Variants in FRS2 observed in about 807,000 individuals in gnomAD.
The protein encoded by FRS2 is fibroblast growth factor receptor substrate 2.
In FRS2, 8 loss-of-function variants were observed where a neutral mutation model predicts 43.9. The observed-to-expected ratio is 0.18, with a 90% CI of 0.11 to 0.33. FRS2 has a LOEUF of 0.33. Among genes scored for constraint, FRS2 ranks in the 10% least tolerant of loss-of-function variants. FRS2 has a pLI of 1.00. For synonymous variants in FRS2, 219 were observed against 220.3 expected (o/e 0.99, Z 0.05); for missense variants, 534 against 627.6 (o/e 0.85, Z 1.59).
At chr12:69,546,599 T>A (rs1453553900) in intron 3 of FRS2, among the ~76,000 whole-genome samples, 1 of 151,972 alleles carries the variant, frequency 6.6e-6, no homozygotes, top group Admixed American at 6.6e-5. Context: ...TACCCTGTTG[T>A]CCAGGCTGGT....
intron 3 of FRS2, among the ~76,000 whole-genome samples, chr12:69,532,320 G>T (rs767191044): frequency 3.9e-5 from 6 of 152,154 alleles, no homozygotes; most frequent in Non-Finnish European, 7.4e-5. Context: ...AGAGCTTATT[G>T]AGTGGGTTTA....
chr12:69,561,106 G>C (rs548764243), intron 3 of FRS2, among the ~76,000 whole-genome samples: 74 of 152,260 alleles, frequency 4.9e-4, no homozygotes, highest in African/African-American at 1.7e-3. Flanking sequence ...GTGGTTTATG[G>C]TAGAATTAGT....
intron 1 of FRS2, among the ~76,000 whole-genome samples, chr12:69,489,035 A>G (rs899770780): frequency 1.3e-5 from 2 of 152,174 alleles, no homozygotes; most frequent in African/African-American, 2.4e-5. Context: ...CTGAATTATT[A>G]TTCCTCTTTC....
intron 1 of FRS2, among the ~76,000 whole-genome samples, chr12:69,517,502 G>C (rs1464390525): frequency 6.6e-6 from 1 of 151,540 alleles, no homozygotes; most frequent in Non-Finnish European, 1.5e-5. Context: ...ATTTGCCAAT[G>C]GTGAATCTAA....
chr12:69,573,268 T>C (rs1263973173), intron 8 of FRS2, among the ~76,000 whole-genome samples: 1 of 152,112 alleles, frequency 6.6e-6, no homozygotes, highest in African/African-American at 2.4e-5. Context: ...GAGTTAATCT[T>C]CTTATACATT....
At chr12:69,551,720 T>C (rs1299684917) in intron 3 of FRS2, among the ~76,000 whole-genome samples, 2 of 152,308 alleles carry the variant, frequency 1.3e-5, no homozygotes, top group Non-Finnish European at 2.9e-5. Context: ...TAAGAAGGGC[T>C]CAAAAGAACA....
chr12:69,560,881 A>G (rs1415486600), intron 3 of FRS2, among the ~76,000 whole-genome samples: 8 of 152,226 alleles, frequency 5.3e-5, no homozygotes, highest in Non-Finnish European at 1.2e-4. Flanking sequence ...TTCAAAGCTT[A>G]TGACTTTTCA....
intron 4 of FRS2, among the ~76,000 whole-genome samples, chr12:69,565,840 G>A (rs1432178100): frequency 1.3e-5 from 2 of 152,030 alleles, no homozygotes; most frequent in African/African-American, 4.8e-5. Flanking sequence ...TTAATAAGTA[G>A]AAGGAGTATA....
At chr12:69,534,227 A>G (rs1203191072) in intron 3 of FRS2, among the ~76,000 whole-genome samples, 2 of 152,236 alleles carry the variant, frequency 1.3e-5, no homozygotes, top group Non-Finnish European at 2.9e-5. Context: ...GGTTGAACGT[A>G]ATACACAAAA....
chr12:69,541,824 CAAAAAA>C (rs10605112), intron 3 of FRS2, among the ~76,000 whole-genome samples: 1 of 90,846 alleles, frequency 1.1e-5, no homozygotes, highest in Non-Finnish European at 2.2e-5. Flanking sequence ...GACCCTGTCT[CAAAAAA>C]AAAAAAAAAA....
chr12:69,521,732 A>G (rs997032577), intron 1 of FRS2, among the ~76,000 whole-genome samples: 2 of 152,078 alleles, frequency 1.3e-5, no homozygotes, highest in East Asian at 1.9e-4. Context: ...CTCCTGCCTC[A>G]GCCTCCCAAG....
chr12:69,482,471 G>C (rs1871431948), intron 1 of FRS2, among the ~76,000 whole-genome samples: 1 of 152,098 alleles, frequency 6.6e-6, no homozygotes, highest in African/African-American at 2.4e-5. Context: ...GGAGAGACTT[G>C]GGCATTGAAC....
intron 1 of FRS2, among the ~76,000 whole-genome samples, chr12:69,477,405 CA>C (rs1386111377): frequency 3.3e-5 from 5 of 151,442 alleles, no homozygotes; most frequent in Non-Finnish European, 5.9e-5. Flanking sequence ...GCCTCAGCCT[CA>C]CCAGTAGCTG....
At position 69,570,507 on chromosome 12, in the gene FRS2, A is replaced by G. The variant is rs974310139; in HGVS notation, c.243A>G (p.Gln81=). 20 of 1,604,466 alleles carry G rather than the reference A, an allele frequency of 1.2e-5. No homozygotes were observed. The highest frequency in any genetic ancestry group is 3.3e-5 in the Admixed American group (2 of 60,000). Residue 81 remains glutamine (Q), a synonymous_variant, in exon 6 of 9, where the codon CAA becomes CAG. Transcript: ENST00000549921. ...LFSFESGRRC[Q]TGQGIFAFKC... ...CTTTTGAAAGTGGTCGAAGGTGTCA[A>G]ACTGGACAAGGTAGAACCTTTGTTT...
Position 69,575,215 on chromosome 12 carries a change from A to C in FRS2, c.*260A>C. The C allele has an allele frequency of 4.8e-6, 2 of 419,538 alleles. No homozygotes were observed. Among genetic ancestry groups the C allele is most frequent in the Non-Finnish European group, 8.5e-6 (2 of 236,584 alleles). 26.0% of individuals were successfully genotyped at this position (419,538 alleles called of 1,614,324 possible). On this transcript the variant is annotated 3_prime_UTR_variant, in exon 9 of 9. Coordinates refer to ENST00000549921, the MANE Select transcript of FRS2 (RefSeq NM_001278356.2). Reference sequence around the variant, plus strand: ...CCTATTTAAAATGAGAGTTGAAGTAAATGACATGCTGGTTGATTTTTATCA... The same window carrying C: ...CCTATTTAAAATGAGAGTTGAAGTACATGACATGCTGGTTGATTTTTATCA...
intron 3 of FRS2, among the ~76,000 whole-genome samples, chr12:69,536,736 G>A (rs1299865269): frequency 2.0e-5 from 3 of 151,778 alleles, no homozygotes; most frequent in Admixed American, 2.0e-4. Flanking sequence ...GTGCTGGGCT[G>A]ATTTTTTAAT....
chr12:69,562,073 G>T, intron 3 of FRS2, 107 bp from the exon 4 acceptor site: 1 of 392,180 alleles, frequency 2.5e-6, no homozygotes, highest in South Asian at 1.4e-4. Flanking sequence ...TTAGACTTTT[G>T]AGTTTGTTTA....
chr12:69,542,320 C>T (rs893822633), intron 3 of FRS2, among the ~76,000 whole-genome samples: 7 of 152,242 alleles, frequency 4.6e-5, no homozygotes, highest in African/African-American at 1.4e-4. Context: ...GTTGGTCGTT[C>T]GTATCCATAG....
chr12:69,509,544 CT>C (rs993633180), intron 1 of FRS2, among the ~76,000 whole-genome samples: 2 of 152,164 alleles, frequency 1.3e-5, no homozygotes, highest in African/African-American at 4.8e-5. Context: ...ATCTCCAGAA[CT>C]TTTTCATCAT....
Sources: gnomAD v4.1 joint callset for allele counts (sites outside exome capture counted in the v4.1 genomes callset) on GRCh38, gnomAD v4.1.1 for gene constraint, MANE v1.5 for transcripts, NCBI Gene and HGNC (gene_info 2026-07-23, HGNC 2026-07-21) for gene names.